Variants in CPA6 observed in about 807,000 individuals in gnomAD.
CPA6 encodes the protein carboxypeptidase A6.
CPA6 carries 58 observed loss-of-function variants against 63.3 expected under a neutral mutation model. The ratio of observed to expected loss-of-function variants is 0.92; its 90% CI spans 0.74 to 1.14. CPA6 has a LOEUF of 1.14. CPA6 is among the 50% of genes most tolerant of loss of function. CPA6 has a pLI of 0.00. For synonymous variants in CPA6, 185 were observed against 179.0 expected (o/e 1.03, Z -0.27); for missense variants, 565 against 526.6 (o/e 1.07, Z -0.71).
intron 1 of CPA6, among the ~76,000 whole-genome samples, chr8:67,633,449 A>G (rs1815389759): frequency 6.6e-6 from 1 of 152,218 alleles, no homozygotes. Context: ...TGGGAGGCCA[A>G]GGCGGGTGGA....
At chr8:67,563,067 G>C (rs1057018048) in intron 2 of CPA6, among the ~76,000 whole-genome samples, 8 of 151,842 alleles carry the variant, frequency 5.3e-5, no homozygotes, top group Admixed American at 2.0e-4. Context: ...GCATGGAGTA[G>C]TTGCTCAATG....
intron 1 of CPA6, among the ~76,000 whole-genome samples, chr8:67,658,660 G>A (rs1816043475): frequency 6.6e-6 from 1 of 152,082 alleles, no homozygotes; most frequent in South Asian, 2.1e-4. Context: ...ATCTCTTCCT[G>A]ATGTCTCCCA....
intron 2 of CPA6, among the ~76,000 whole-genome samples, chr8:67,591,683 T>G (rs1236988546): frequency 6.6e-6 from 1 of 152,218 alleles, no homozygotes; most frequent in African/African-American, 2.4e-5. Context: ...TTTGGCTCTC[T>G]GTTTGTCTGT....
chr8:67,592,543 T>G (rs911550643), intron 2 of CPA6, among the ~76,000 whole-genome samples: 12 of 151,818 alleles, frequency 7.9e-5, no homozygotes, highest in African/African-American at 2.9e-4. Context: ...GGTAAGCTAT[T>G]GATTATTGCC....
intron 2 of CPA6, among the ~76,000 whole-genome samples, chr8:67,519,447 T>A (rs894655942): frequency 2.0e-5 from 3 of 152,230 alleles, no homozygotes; most frequent in Non-Finnish European, 4.4e-5. Flanking sequence ...GTTTAGTAAC[T>A]TTATCTTCAC....
At chr8:67,608,462 C>T (rs77417648) in intron 2 of CPA6, among the ~76,000 whole-genome samples, 2,685 of 152,256 alleles carry the variant, frequency 0.018, 31 homozygotes, top group African/African-American at 0.035. Flanking sequence ...ATCATCTTCC[C>T]GCTCCGTTCA....
At chr8:67,544,956 G>T (rs1051600752) in intron 2 of CPA6, among the ~76,000 whole-genome samples, 1 of 152,046 alleles carries the variant, frequency 6.6e-6, no homozygotes, top group Non-Finnish European at 1.5e-5. Context: ...CAAAGAGTAG[G>T]CCAAATTATT....
At chr8:67,614,229 T>C (rs1814884575) in intron 2 of CPA6, among the ~76,000 whole-genome samples, 1 of 152,190 alleles carries the variant, frequency 6.6e-6, no homozygotes, top group African/African-American at 2.4e-5. Flanking sequence ...GCCTCTGCAC[T>C]TGCCTGTCTG....
intron 1 of CPA6, among the ~76,000 whole-genome samples, chr8:67,694,143 G>C (rs1209811569): frequency 6.6e-6 from 1 of 152,214 alleles, no homozygotes; most frequent in East Asian, 1.9e-4. Context: ...CCCAGAACAA[G>C]AGAAGGCTCT....
intron 1 of CPA6, among the ~76,000 whole-genome samples, chr8:67,688,480 C>T (rs1053683577): frequency 2.6e-5 from 4 of 152,174 alleles, no homozygotes; most frequent in East Asian, 1.9e-4. Context: ...TACCCAAAAT[C>T]GAAAGCTTAG....
At chr8:67,684,656 C>T (rs1276534575) in intron 1 of CPA6, among the ~76,000 whole-genome samples, 2 of 152,144 alleles carry the variant, frequency 1.3e-5, no homozygotes, top group African/African-American at 2.4e-5. Flanking sequence ...TCTAGAGAAG[C>T]GGGGCTTGCT....
At chr8:67,443,914 T>C (rs1325722644) in intron 8 of CPA6, among the ~76,000 whole-genome samples, 1 of 152,060 alleles carries the variant, frequency 6.6e-6, no homozygotes, top group African/African-American at 2.4e-5. Flanking sequence ...ACTTGGTGAC[T>C]GGTTGAATAT....
At chr8:67,532,419 T>G (rs1812496773) in intron 2 of CPA6, among the ~76,000 whole-genome samples, 1 of 152,144 alleles carries the variant, frequency 6.6e-6, no homozygotes, top group African/African-American at 2.4e-5. Context: ...GGCTCACATC[T>G]GTAGTCCCAA....
intron 8 of CPA6, among the ~76,000 whole-genome samples, chr8:67,454,809 T>C (rs375242470): frequency 1.2e-4 from 19 of 152,314 alleles, no homozygotes; most frequent in African/African-American, 4.3e-4. Context: ...ACCTTTTTAG[T>C]TTTTAAGTAT....
chr8:67,513,308 T>A (rs910321225), intron 3 of CPA6, among the ~76,000 whole-genome samples: 2 of 152,304 alleles, frequency 1.3e-5, no homozygotes, highest in Non-Finnish European at 1.5e-5. Context: ...AACCTCCATG[T>A]CAATTTTCTA....
chr8:67,626,016 TG>T (rs60471950), intron 1 of CPA6, among the ~76,000 whole-genome samples: 6,664 of 152,240 alleles, frequency 0.044, 178 homozygotes, highest in South Asian at 0.1. Flanking sequence ...GGTTTAAAAG[TG>T]TATGTCACCT....
intron 8 of CPA6, among the ~76,000 whole-genome samples, chr8:67,475,785 CTTT>C (rs1378552312): frequency 0.098 from 7,605 of 77,904 alleles, 500 homozygotes; most frequent in African/African-American, 0.12. Flanking sequence ...TTCTTTCTTT[CTTT>C]CTTTCTTTCT....
chr8:67,607,759 A>G (rs1223905268), intron 2 of CPA6, among the ~76,000 whole-genome samples: 1 of 152,158 alleles, frequency 6.6e-6, no homozygotes, highest in African/African-American at 2.4e-5. Context: ...TTCTTTCCAC[A>G]TTGTGATATC....
chr8:67,600,910 A>G (rs1814478605), intron 2 of CPA6, among the ~76,000 whole-genome samples: 1 of 152,220 alleles, frequency 6.6e-6, no homozygotes, highest in African/African-American at 2.4e-5. Flanking sequence ...AAATATTTTT[A>G]TATAACTGAA....
Sources: gnomAD v4.1 joint callset for allele counts (sites outside exome capture counted in the v4.1 genomes callset) on GRCh38, gnomAD v4.1.1 for gene constraint, MANE v1.5 for transcripts, NCBI Gene and HGNC (gene_info 2026-07-23, HGNC 2026-07-21) for gene names.